Variants in TECRL observed in about 807,000 individuals in gnomAD.
TECRL encodes the protein trans-2,3-enoyl-CoA reductase-like.
In TECRL, 63 loss-of-function variants were observed where a neutral mutation model predicts 52.8. That is an observed-to-expected ratio of 1.19 (90% CI 0.97 to 1.47). TECRL has a LOEUF of 1.47. Among genes scored for constraint, TECRL ranks in the 40% most tolerant of loss-of-function variants. The pLI is 0.00. For synonymous variants in TECRL, 164 were observed against 141.9 expected (o/e 1.16, Z -1.10); for missense variants, 482 against 429.6 (o/e 1.12, Z -1.08).
intron 5 of TECRL, among the ~76,000 whole-genome samples, chr4:64,313,728 G>A (rs1263298148): frequency 3.3e-5 from 5 of 150,142 alleles, no homozygotes; most frequent in African/African-American, 4.9e-5. Flanking sequence ...TGATCCACCC[G>A]CCTAGGCCTC....
chr4:64,323,922 G>T (rs1718077658), intron 3 of TECRL, among the ~76,000 whole-genome samples: 1 of 152,124 alleles, frequency 6.6e-6, no homozygotes, highest in South Asian at 2.1e-4. Flanking sequence ...ATTCAAGAAA[G>T]AACTGACAAA....
rs573660803 is a variant in TECRL, at chr4:64,294,010, G to A, written c.775-4243C>T. ...ATATATATATATATTTTTTGGAGAC[G>A]GAATCTTGCTCTGATACTCAGGCTG... On this transcript the variant is annotated intron_variant, in intron 8 of 11. Transcript: ENST00000381210. 1.1e-4 allele frequency among the ~76,000 whole-genome samples: 16 copies of A among 149,976 alleles called. No individual in the cohort carries two copies. In the East Asian group the frequency reaches 2.5e-3, roughly 24 times the overall value.
chr4:64,335,364 T>A (rs1472017828), intron 2 of TECRL, among the ~76,000 whole-genome samples: 1 of 152,184 alleles, frequency 6.6e-6, no homozygotes, highest in Non-Finnish European at 1.5e-5. Context: ...TGCCTAATGG[T>A]CACTATCTCC....
At chr4:64,376,024 G>A (rs1213372889) in intron 1 of TECRL, among the ~76,000 whole-genome samples, 1 of 151,470 alleles carries the variant, frequency 6.6e-6, no homozygotes, top group Non-Finnish European at 1.5e-5. Flanking sequence ...ATAATCATAT[G>A]TCTACATGAT....
intron 2 of TECRL, among the ~76,000 whole-genome samples, chr4:64,363,076 C>T (rs1212029436): frequency 6.6e-6 from 1 of 150,394 alleles, no homozygotes; most frequent in East Asian, 1.9e-4. Flanking sequence ...AAAACAACAA[C>T]TATCAAAAAG....
At chr4:64,357,238 G>A (rs1189378003) in intron 2 of TECRL, among the ~76,000 whole-genome samples, 1 of 151,762 alleles carries the variant, frequency 6.6e-6, no homozygotes, top group African/African-American at 2.4e-5. Flanking sequence ...AATAAGTCAT[G>A]GAAAGATAAG....
intron 5 of TECRL, among the ~76,000 whole-genome samples, chr4:64,313,977 C>CAAAAAAAAAAA (rs752037972): frequency 2.9e-4 from 18 of 61,814 alleles, no homozygotes; most frequent in Non-Finnish European, 3.9e-4. Context: ...ACTAAAAATA[C>CAAAAAAAAAAA]AAAAAAAAAA....
At chr4:64,368,195 A>G (rs1319084768) in intron 2 of TECRL, among the ~76,000 whole-genome samples, 1 of 152,142 alleles carries the variant, frequency 6.6e-6, no homozygotes, top group Non-Finnish European at 1.5e-5. Context: ...CCATGTTACC[A>G]AAAAATGAAT....
At chr4:64,300,836 G>A (rs893044121) in intron 7 of TECRL, among the ~76,000 whole-genome samples, 1 of 150,688 alleles carries the variant, frequency 6.6e-6, no homozygotes, top group Non-Finnish European at 1.5e-5. Context: ...TTGTCATAAC[G>A]GTAATTGAAT....
intron 2 of TECRL, among the ~76,000 whole-genome samples, chr4:64,367,947 A>T (rs1721717790): frequency 6.6e-6 from 1 of 152,044 alleles, no homozygotes; most frequent in South Asian, 2.1e-4. Context: ...CAGTGGGCAC[A>T]TTTGTTAGGA....
At chr4:64,338,511 G>A (rs1270203801) in intron 2 of TECRL, among the ~76,000 whole-genome samples, 3 of 151,954 alleles carry the variant, frequency 2.0e-5, no homozygotes, top group African/African-American at 7.2e-5. Flanking sequence ...CAGAATGGGA[G>A]AAAATTTTTG....
intron 2 of TECRL, among the ~76,000 whole-genome samples, chr4:64,374,514 A>G (rs1346746070): frequency 1.3e-5 from 2 of 151,814 alleles, no homozygotes; most frequent in Non-Finnish European, 2.9e-5. Flanking sequence ...GCACCCATTA[A>G]CCCGTCATTT....
At chr4:64,330,589 C>T (rs1231584215) in intron 2 of TECRL, among the ~76,000 whole-genome samples, 1 of 152,008 alleles carries the variant, frequency 6.6e-6, no homozygotes, top group African/African-American at 2.4e-5. Context: ...GAATACTTGA[C>T]CCTTGGAGTT....
chr4:64,292,046 TTGCGATGCTAAC>T (rs1458655619), intron 8 of TECRL, among the ~76,000 whole-genome samples: 1 of 152,022 alleles, frequency 6.6e-6, no homozygotes, highest in Non-Finnish European at 1.5e-5. Context: ...CCAATACAGT[TTGCGATGCTAAC>T]TGAATTAGAT....
At chr4:64,330,518 A>C (rs1718565523) in intron 2 of TECRL, among the ~76,000 whole-genome samples, 1 of 152,102 alleles carries the variant, frequency 6.6e-6, no homozygotes, top group Non-Finnish European at 1.5e-5. Context: ...ACTTTAATTA[A>C]TCAGCTGAGC....
At chr4:64,397,464 T>C (rs1009231680) in intron 1 of TECRL, among the ~76,000 whole-genome samples, 1 of 151,592 alleles carries the variant, frequency 6.6e-6, no homozygotes, top group African/African-American at 2.4e-5. Context: ...ATGATGGTAT[T>C]GGGAGGTGGC....
At chr4:64,283,156 T>A (rs1722914169) in intron 9 of TECRL, among the ~76,000 whole-genome samples, 1 of 152,048 alleles carries the variant, frequency 6.6e-6, no homozygotes, top group African/African-American at 2.4e-5. Flanking sequence ...GGATTGTTCA[T>A]CCCAGTTTTA....
intron 9 of TECRL, 100 bp downstream of exon 9, chr4:64,289,610 T>C: frequency 2.1e-6 from 2 of 931,776 alleles, no homozygotes; most frequent in African/African-American, 1.8e-5. Flanking sequence ...TATTTCCAAC[T>C]ATTGATATTT....
In TECRL at chr4:64,281,092, A is replaced by G. The variant is rs371231971; in HGVS notation, c.919-6T>C. 9.4e-6 allele frequency: 15 copies of G among 1,595,944 alleles called. No homozygotes were observed. Among genetic ancestry groups the G allele is most frequent in the East Asian group, 2.2e-5 (1 of 44,484 alleles). On this transcript the variant is annotated splice_region_variant and splice_polypyrimidine_tract_variant and intron_variant, in intron 10 of 11. Coordinates refer to ENST00000381210, the MANE Select transcript of TECRL (RefSeq NM_001010874.5). ...AAACTAATCCATGATCCAATCTGTTATATTAAAACTTAAATTAGCACATAC... is the reference window on the plus strand; with the variant it reads ...AAACTAATCCATGATCCAATCTGTTGTATTAAAACTTAAATTAGCACATAC...
Sources: allele counts gnomAD v4.1 joint callset (sites outside exome capture counted in the v4.1 genomes callset), GRCh38; gene constraint gnomAD v4.1.1; transcripts MANE v1.5; gene names NCBI Gene and HGNC (gene_info 2026-07-23, HGNC 2026-07-21).